The following RBPJ variants were observed in gnomAD, a reference collection of about 807,000 sequenced individuals.
The protein encoded by RBPJ is recombining binding protein suppressor of hairless.
RBPJ carries 9 observed loss-of-function variants against 67.8 expected under a neutral mutation model. The observed-to-expected ratio is 0.13, with a 90% CI of 0.08 to 0.23. The LOEUF is 0.23. Among genes scored for constraint, RBPJ ranks in the 10% least tolerant of loss-of-function variants. RBPJ has a pLI of 1.00. For synonymous variants in RBPJ, 198 were observed against 203.3 expected, an observed-to-expected ratio of 0.97 and a Z score of 0.22; for missense variants, 305 against 595.6, an observed-to-expected ratio of 0.51 and a Z score of 5.08.
intron 1 of RBPJ, chr4:26,272,600 T>A (rs1720950065): frequency 2.4e-6 from 1 of 416,268 alleles, no homozygotes. Context: ...AAATAAAAAA[T>A]AAATAAAAAA....
the RBPJ span, among the ~76,000 whole-genome samples, chr4:26,125,419 G>A: frequency 6.6e-6 from 1 of 152,182 alleles, no homozygotes; most frequent in Non-Finnish European, 1.5e-5. Flanking sequence ...TGAGTAAAAG[G>A]CTGTTTAACC....
Position 26,222,056 on chromosome 4 carries a change from C to G in RBPJ, c.-167+58442C>G, listed in dbSNP as rs1718927260. On this transcript the variant is annotated intron_variant, in intron 1 of 4. Transcript: ENST00000512351. Reference sequence around the variant, plus strand: ...TCACTCTCCACTTTGACGAGGGGCCCTAGAGTGTGTGATCTGCAACCTTGT... The same window carrying G: ...TCACTCTCCACTTTGACGAGGGGCCGTAGAGTGTGTGATCTGCAACCTTGT... Among the ~76,000 whole-genome samples the G allele has an allele frequency of 3.3e-5, 5 of 152,176 alleles. No homozygotes were observed. The South Asian group carries it at 1.0e-3, about 31-fold the overall frequency.
intron 1 of RBPJ, among the ~76,000 whole-genome samples, chr4:26,177,793 A>C (rs1716848482): frequency 6.6e-6 from 1 of 152,232 alleles, no homozygotes; most frequent in African/African-American, 2.4e-5. Context: ...AAAAGAAAGC[A>C]ATAAAAACAA....
Position 26,431,206 on chromosome 4 carries a change from A to G in RBPJ, c.*199A>G, listed in dbSNP as rs1389557694. 7.7e-5 allele frequency: 33 copies of G among 426,134 alleles called. 1 individual carries two copies. The highest frequency in any genetic ancestry group is 4.8e-4 in the African/African-American group (23 of 48,096). 26.4% of individuals were successfully genotyped at this position (426,134 alleles called of 1,614,324 possible). ...CAGTAAAAAAAAAAAAAAAAAAAAA[A>G]AAAAAGAAAAAAAAATCAAAATGTA... is the stretch of plus-strand genomic sequence containing the variant. On this transcript the variant is annotated 3_prime_UTR_variant, in exon 11 of 11. Transcript: ENST00000355476.
At chr4:26,139,336 AC>A in the RBPJ span, among the ~76,000 whole-genome samples, 2 of 152,362 alleles carry the variant, frequency 1.3e-5, no homozygotes, top group African/African-American at 2.4e-5. Context: ...TTTATTGGGT[AC>A]TAAAAAAAAG....
Position 26,264,116 on chromosome 4 carries a change from C to T in RBPJ, c.-166-98330C>T, listed in dbSNP as rs545613375. Among the ~76,000 whole-genome samples, 2 of 151,910 alleles carry T rather than the reference C, an allele frequency of 1.3e-5. No homozygotes were observed. Among genetic ancestry groups the T allele is most frequent in the Non-Finnish European group, 2.9e-5 (2 of 67,996 alleles). Reference sequence around the variant, plus strand: ...GCAGGCTGGTCTTGAACTCTCGACTCAGGTGATCCACCCAACTCAACCTCC... The same window carrying T: ...GCAGGCTGGTCTTGAACTCTCGACTTAGGTGATCCACCCAACTCAACCTCC... On this transcript the variant is annotated intron_variant, in intron 1 of 4. Transcript: ENST00000512351. This position sits in a 1 kb window ranked among gnomAD's most constrained non-coding sequence, Gnocchi z 4.1.
intron 1 of RBPJ, among the ~76,000 whole-genome samples, chr4:26,241,963 G>T (rs1260066755): frequency 2.0e-5 from 3 of 152,178 alleles, no homozygotes; most frequent in Non-Finnish European, 4.4e-5. Context: ...ATACCGCACA[G>T]TCTAACCAAA....
At chr4:26,272,949 G>A (rs547964181) in intron 1 of RBPJ, among the ~76,000 whole-genome samples, 4 of 152,280 alleles carry the variant, frequency 2.6e-5, no homozygotes, top group Middle Eastern at 6.8e-3. Flanking sequence ...CATTACAGAC[G>A]CTGGAATCCC....
In RBPJ at chr4:26,294,097, TTTTTG is replaced by T. The variant is rs1721770556; in HGVS notation, c.-166-68344_-166-68340del. On this transcript the variant is annotated intron_variant, in intron 1 of 4. Transcript: ENST00000512351. The stretch of plus-strand genomic sequence containing the variant: ...GTTTTTGTTTTTGTTTTTGTTTTTG[TTTTTG>T]TTTTTGTTTTTTTGAGATGGAGTCT... Among the ~76,000 whole-genome samples the T allele has an allele frequency of 2.7e-5, 4 of 147,234 alleles. No homozygotes were observed. In the Admixed American group the frequency reaches 2.7e-4, roughly 10 times the overall value.
chr4:26,279,466 C>T (rs539862412), intron 1 of RBPJ, among the ~76,000 whole-genome samples: 2 of 152,072 alleles, frequency 1.3e-5, no homozygotes, highest in South Asian at 2.1e-4. Context: ...TTTTTAGAGA[C>T]GGGCTTTCAT....
At chr4:26,277,290 G>T (rs1349642506) in intron 1 of RBPJ, among the ~76,000 whole-genome samples, 1 of 124,660 alleles carries the variant, frequency 8.0e-6, no homozygotes, top group African/African-American at 4.7e-5. Flanking sequence ...AAAAAAAAAA[G>T]TCAAAAGTCA....
At chr4:26,168,585 T>C (rs1344670517) in intron 1 of RBPJ, among the ~76,000 whole-genome samples, 2 of 152,194 alleles carry the variant, frequency 1.3e-5, no homozygotes, top group Admixed American at 1.3e-4. Context: ...ATCTTTGTGG[T>C]GTTCTCTGTA....
intron 2 of RBPJ, among the ~76,000 whole-genome samples, chr4:26,398,439 T>C (rs1732389883): frequency 6.6e-6 from 1 of 152,216 alleles, no homozygotes; most frequent in Non-Finnish European, 1.5e-5. Context: ...AGATGTGGTT[T>C]GTAGTGTTTT....
intron 1 of RBPJ, among the ~76,000 whole-genome samples, chr4:26,187,370 C>T (rs12649870): frequency 0.52 from 79,607 of 151,846 alleles, 21,392 homozygotes; most frequent in East Asian, 0.7. Flanking sequence ...GTGTTAAAGT[C>T]TTTTGTTGAC....
chr4:26,333,618 G>T (rs1445531302), intron 1 of RBPJ, among the ~76,000 whole-genome samples: 2 of 151,936 alleles, frequency 1.3e-5, no homozygotes, highest in South Asian at 4.2e-4. Context: ...TGGAAATTTT[G>T]GGCTCAAGCA....
intron 1 of RBPJ, among the ~76,000 whole-genome samples, chr4:26,262,378 A>C (rs1299739274): frequency 6.6e-6 from 1 of 152,212 alleles, no homozygotes; most frequent in Non-Finnish European, 1.5e-5. Context: ...CCCGGCTTTT[A>C]TCCTAAGTTT....
chr4:26,165,118 C>CA (rs1308256863), intron 1 of RBPJ, among the ~76,000 whole-genome samples: 5 of 151,730 alleles, frequency 3.3e-5, no homozygotes, highest in Non-Finnish European at 7.4e-5. Context: ...CTTTATTATG[C>CA]AAAAAAATTC....
At chr4:26,161,348 T>A (rs889865858), upstream of RBPJ, among the ~76,000 whole-genome samples, 19 of 152,360 alleles carry the variant, frequency 1.2e-4, no homozygotes, top group African/African-American at 4.6e-4. Flanking sequence ...TGTTTTACAC[T>A]ACTTGATTTT....
chr4:26,234,982 G>A (rs1053407084), intron 1 of RBPJ, among the ~76,000 whole-genome samples: 20 of 152,252 alleles, frequency 1.3e-4, no homozygotes, highest in Middle Eastern at 3.4e-3. Context: ...GTGAGCCACT[G>A]TGCCCGGCCT....
Sources: gnomAD v4.1 joint callset for allele counts (sites outside exome capture counted in the v4.1 genomes callset) on GRCh38, gnomAD v4.1.1 for gene constraint, Gnocchi (gnomAD v3.1) non-coding constraint, MANE v1.5 for transcripts, NCBI Gene and HGNC (gene_info 2026-07-23, HGNC 2026-07-21) for gene names.